Variants in UNC13A observed in about 807,000 individuals in gnomAD.
UNC13A encodes the protein unc-13 homolog A.
A neutral mutation model predicts 219.7 loss-of-function variants in UNC13A; 61 were observed. The ratio of observed to expected loss-of-function variants is 0.28; its 90% CI spans 0.23 to 0.34. The LOEUF (loss-of-function observed/expected upper bound fraction) is 0.34, where lower values mean the gene tolerates loss of function less well. Among genes scored for constraint, UNC13A ranks in the 10% least tolerant of loss-of-function variants. The pLI, the probability that UNC13A is intolerant of heterozygous loss-of-function variation, is 1.00. For synonymous variants in UNC13A, 920 were observed against 884.6 expected, an observed-to-expected ratio of 1.04 and a Z score of -0.71; for missense variants, 1,476 against 2,270.3, an observed-to-expected ratio of 0.65 and a Z score of 7.11.
In UNC13A at chr19:17,688,311, C is replaced by A. The variant is rs948196533; in HGVS notation, c.-112G>T. ...GCTGCAGCCCGCGCTTGGCTCACGCCGGGGCCCGGCCGCCACCGGCCATCT... is the reference window on the plus strand; with the variant it reads ...GCTGCAGCCCGCGCTTGGCTCACGCAGGGGCCCGGCCGCCACCGGCCATCT... On this transcript the variant is annotated 5_prime_UTR_variant, in exon 1 of 44. Coordinates refer to ENST00000519716, the MANE Select transcript of UNC13A (RefSeq NM_001080421.3). 3.8e-6 allele frequency: 5 copies of A among 1,316,262 alleles called. No homozygotes were observed. Among genetic ancestry groups the A allele is most frequent in the African/African-American group, 3.1e-5 (2 of 63,860 alleles). The allele number at this position is 1,316,262 out of a possible 1,614,324, so 81.5% of individuals were successfully genotyped here.
At chr19:17,680,884 C>CTTTTTTTTTTTTTTTTT (rs2079997096) in intron 1 of UNC13A, among the ~76,000 whole-genome samples, 2 of 69,552 alleles carry the variant, frequency 2.9e-5, no homozygotes, top group African/African-American at 5.9e-5. Flanking sequence ...TTTTTCTTTT[C>CTTTTTTTTTTTTTTTTT]TTTTCTTTTT....
chr19:17,675,941 C>T, intron 2 of UNC13A, 71 bp downstream of exon 2: 1 of 1,533,788 alleles, frequency 6.5e-7, no homozygotes, highest in African/African-American at 1.4e-5. Flanking sequence ...CTGGGACCCC[C>T]TCCCAGTCTC....
At chr19:17,630,553 C>A (rs145602596) in intron 29 of UNC13A, 101 bp downstream of exon 29, 1 of 1,292,308 alleles carries the variant, frequency 7.7e-7, no homozygotes, top group South Asian at 1.2e-5. Context: ...ACAAAGATGG[C>A]GGACACCTAC....
At chr19:17,652,984 T>C (rs2079377691) in intron 11 of UNC13A, among the ~76,000 whole-genome samples, 1 of 152,180 alleles carries the variant, frequency 6.6e-6, no homozygotes, top group Admixed American at 6.5e-5. Context: ...TCGGGCTCTT[T>C]CCAGGAGTTG....
chr19:17,606,769 C>T (rs1454165465), intron 43 of UNC13A, among the ~76,000 whole-genome samples: 1 of 152,082 alleles, frequency 6.6e-6, no homozygotes, highest in African/African-American at 2.4e-5. Flanking sequence ...CCAGGCTCTC[C>T]TCTAGACCCA....
intron 41 of UNC13A, among the ~76,000 whole-genome samples, chr19:17,617,073 G>T (rs1027647889): frequency 6.6e-6 from 1 of 152,032 alleles, no homozygotes; most frequent in Non-Finnish European, 1.5e-5. Flanking sequence ...TCCCGCCCTC[G>T]GAGCTGTCAA....
rs576580480 is a variant in UNC13A at position 17,649,102 on chromosome 19, G to C, written c.1525-119C>G. The C allele has an allele frequency of 1.6e-6, 2 of 1,249,688 alleles. No individual in the cohort carries two copies. Among genetic ancestry groups the C allele is most frequent in the Non-Finnish European group, 2.2e-6 (2 of 896,154 alleles). The allele number at this position is 1,249,688 out of a possible 1,614,324, so 77.4% of individuals were successfully genotyped here. A position where few individuals can be genotyped will look rare whatever the true frequency, so the allele number is the denominator to read the frequency against. On this transcript the variant is annotated intron_variant, in intron 14 of 43. Transcript: ENST00000519716. The surrounding 1 kb of genome is among the most constrained non-coding windows in gnomAD (Gnocchi z 4.4). ...ATTTTGGAGCCACAACCGCAAGTTG[G>C]AAACAGGTCACCGACAGCATCCGGG... is the stretch of plus-strand genomic sequence containing the variant.
chr19:17,637,448 C>T (rs929873417), intron 25 of UNC13A, among the ~76,000 whole-genome samples: 1 of 152,096 alleles, frequency 6.6e-6, no homozygotes, highest in African/African-American at 2.4e-5. Flanking sequence ...CAGGTGCCCG[C>T]CACCACGCCC....
chr19:17,626,904 G>GGA, intron 33 of UNC13A, 119 bp from the exon 34 acceptor site: 3 of 1,399,308 alleles, frequency 2.1e-6, no homozygotes, highest in Non-Finnish European at 2.8e-6. Context: ...GAGCAAGAAT[G>GGA]GAGAACAGGC....
chr19:17,680,896 T>TTTTTTTC lies in UNC13A; in HGVS notation c.23-4856_23-4855insGAAAAAA, dbSNP rs1568275961. Among the ~76,000 whole-genome samples, 40 of 101,218 alleles carry TTTTTTTC rather than the reference T, an allele frequency of 4.0e-4. 1 individual carries two copies. The highest frequency in any genetic ancestry group is 4.5e-3 in the Middle Eastern group (1 of 222). The allele number at this position is 101,218 out of a possible 152,430, so 66.4% of individuals were successfully genotyped here. On this transcript the variant is annotated intron_variant, in intron 1 of 43. Transcript: ENST00000519716. ...TTTTTTTTCTTTTCTTTTCTTTTTT[T>TTTTTTTC]TTTTTTTTTTTTTTTTGACAGGGTC...
intron 31 of UNC13A, chr19:17,628,145 G>A: frequency 1.7e-6 from 1 of 593,346 alleles, no homozygotes. Flanking sequence ...GGGACTGGTG[G>A]GGGCAAGGAG....
At chr19:17,618,636 ATG>A (rs1698618534) in intron 39 of UNC13A, 135 bp from the exon 40 acceptor site, 3 of 904,254 alleles carry the variant, frequency 3.3e-6, no homozygotes, top group South Asian at 1.6e-5. Flanking sequence ...AGCACCCAAT[ATG>A]TGACTGGTAC....
chr19:17,635,982 C>G (rs750261234), intron 26 of UNC13A, 42 bp downstream of exon 26: 1 of 1,582,058 alleles, frequency 6.3e-7, no homozygotes, highest in South Asian at 1.1e-5. Context: ...TACATACACA[C>G]GATGACACCC....
chr19:17,654,867 G>C (rs955037757), intron 11 of UNC13A, among the ~76,000 whole-genome samples: 1 of 152,182 alleles, frequency 6.6e-6, no homozygotes, highest in Non-Finnish European at 1.5e-5. Flanking sequence ...CCTCCCTCTA[G>C]ATCTAGAAAC....
At chr19:17,651,314 C>T (rs890170837) in intron 12 of UNC13A, among the ~76,000 whole-genome samples, 2 of 152,000 alleles carry the variant, frequency 1.3e-5, no homozygotes, top group African/African-American at 4.8e-5. Flanking sequence ...GTCTTGAACT[C>T]CTAGCCTCAA....
At chr19:17,653,682 G>A in intron 11 of UNC13A, among the ~76,000 whole-genome samples, 1 of 151,664 alleles carries the variant, frequency 6.6e-6, no homozygotes, top group Non-Finnish European at 1.5e-5. Context: ...TTTTAGAGAT[G>A]AGGTCTCACT....
At position 17,652,814 on chromosome 19, in the gene UNC13A, G is replaced by T. The variant is rs546703043; in HGVS notation, c.1393-137C>A. The T allele has an allele frequency of 3.1e-5, 27 of 882,442 alleles. No homozygotes were observed. The East Asian group carries it at 6.5e-4, about 21-fold the overall frequency. 54.7% of individuals were successfully genotyped at this position (882,442 alleles called of 1,614,324 possible). A position where few individuals can be genotyped will look rare whatever the true frequency, so the allele number is the denominator to read the frequency against. ...CCTAGTCCTGGCTGAGTGATTTTAG[G>T]AAGCTCCGTGGCTATCTCTGGGCCT... On this transcript the variant is annotated intron_variant, in intron 11 of 43. Transcript: ENST00000519716.
rs751505430 is a variant in UNC13A at position 17,620,692 on chromosome 19, C to T, written c.4272+1G>A. ...GACAGACAGTGAGAGGCCGGTCTTA[C>T]GTCTGAGTGGCTTGGCAATTTCACC... On this transcript the variant is annotated splice_donor_variant, in intron 38 of 43. Coordinates refer to ENST00000519716, the MANE Select transcript of UNC13A (RefSeq NM_001080421.3). LOFTEE classifies it high-confidence loss of function. 5.0e-6 allele frequency: 8 copies of T among 1,613,212 alleles called. No individual in the cohort carries two copies. Among genetic ancestry groups the T allele is most frequent in the Non-Finnish European group, 5.9e-6 (7 of 1,179,668 alleles).
chr19:17,676,424 T>G (rs2079900016), intron 1 of UNC13A, among the ~76,000 whole-genome samples: 3 of 151,996 alleles, frequency 2.0e-5, no homozygotes, highest in Admixed American at 1.3e-4. Flanking sequence ...TAGCTGTGCC[T>G]TTACCCACAA....
Sources: gnomAD v4.1 joint callset for allele counts (sites outside exome capture counted in the v4.1 genomes callset) on GRCh38, gnomAD v4.1.1 for gene constraint, Gnocchi (gnomAD v3.1) non-coding constraint, MANE v1.5 for transcripts, NCBI Gene and HGNC (gene_info 2026-07-23, HGNC 2026-07-21) for gene names.